The following KIAA0513 variants were observed in gnomAD, a reference collection of about 807,000 sequenced individuals.
KIAA0513 encodes uncharacterized protein KIAA0513.
Under a neutral mutation model 56.5 loss-of-function variants are expected in KIAA0513, and 39 were observed. The observed-to-expected ratio is 0.69, with a 90% confidence interval of 0.53 to 0.90. KIAA0513 has a LOEUF of 0.90. Ranked by LOEUF, KIAA0513 falls within the 40% of genes least tolerant of loss-of-function variation. KIAA0513 has a pLI of 0.00. For synonymous variants in KIAA0513, 268 were observed against 215.6 expected (o/e 1.24, Z -2.13); for missense variants, 591 against 535.2 (o/e 1.10, Z -1.03).
At position 85,076,286 on chromosome 16, in the gene KIAA0513, T is replaced by C. The variant is rs1002925006; in HGVS notation, c.574+372T>C. On this transcript the variant is annotated intron_variant, in intron 5 of 12. Transcript: ENST00000683363. The surrounding 1 kb of genome is among the most constrained non-coding windows in gnomAD (Gnocchi z 4.7). ...GTTTTACCAAAACAAGACGACACAG[T>C]TGGTTGTTGGAGGGTGGTGGGGAGG... Among the ~76,000 whole-genome samples the C allele has an allele frequency of 2.0e-5, 3 of 151,956 alleles. No homozygotes were observed. Among genetic ancestry groups the C allele is most frequent in the African/African-American group, 7.2e-5 (3 of 41,380 alleles).
intron 1 of KIAA0513, among the ~76,000 whole-genome samples, chr16:85,030,792 A>G (rs1249284747): frequency 6.6e-6 from 1 of 151,716 alleles, no homozygotes; most frequent in African/African-American, 2.4e-5. Flanking sequence ...CTCATGAGGG[A>G]AGGACAAGTT....
At chr16:85,083,646 G>A (rs1255724492) in intron 10 of KIAA0513, among the ~76,000 whole-genome samples, 2 of 152,164 alleles carry the variant, frequency 1.3e-5, no homozygotes, top group Non-Finnish European at 2.9e-5. Context: ...CTCAGCTGAG[G>A]GGACAGCTGG....
At position 85,089,074 on chromosome 16, in the gene KIAA0513, C is replaced by G. The variant is rs898842193; in HGVS notation, c.*749C>G. On this transcript the variant is annotated 3_prime_UTR_variant, in exon 13 of 13. Transcript: ENST00000683363. This position sits in a 1 kb window ranked among gnomAD's most constrained non-coding sequence, Gnocchi z 4.2. ...GGTGTCCGCGGCAGACCACACAGAC[C>G]GTCTGAAATGCGCCCGCCTGGCGGA... is the stretch of plus-strand genomic sequence containing the variant. 6.6e-6 allele frequency: 1 copy of G among 152,226 alleles called. No homozygotes were observed. Among genetic ancestry groups the G allele is most frequent in the African/African-American group, 2.4e-5 (1 of 41,442 alleles). The allele number at this position is 152,226 out of a possible 1,614,324, so 9.4% of individuals were successfully genotyped here.
intron 1 of KIAA0513, among the ~76,000 whole-genome samples, chr16:85,048,830 A>G (rs1465365385): frequency 6.6e-6 from 1 of 152,238 alleles, no homozygotes; most frequent in Non-Finnish European, 1.5e-5. Flanking sequence ...GAAGACCACA[A>G]ATGACCTGTA....
chr16:85,042,698 G>C (rs2073119948), intron 1 of KIAA0513, among the ~76,000 whole-genome samples: 1 of 152,220 alleles, frequency 6.6e-6, no homozygotes, highest in Admixed American at 6.5e-5. Flanking sequence ...TCAAAAAGTA[G>C]TAAATAATGG....
intron 8 of KIAA0513, 107 bp downstream of exon 8, chr16:85,079,110 C>G (rs753344350): frequency 5.1e-6 from 8 of 1,578,902 alleles, no homozygotes; most frequent in Middle Eastern, 1.8e-4. Context: ...TGGCAGAATT[C>G]TCACACTCAC....
chr16:85,082,925 G>A (rs1875302959), intron 10 of KIAA0513, among the ~76,000 whole-genome samples: 1 of 152,276 alleles, frequency 6.6e-6, no homozygotes, highest in African/African-American at 2.4e-5. Flanking sequence ...GCGGGCTCCA[G>A]TTCTGAGCCA....
intron 2 of KIAA0513, among the ~76,000 whole-genome samples, chr16:85,069,980 CAT>C (rs1196847573): frequency 6.7e-6 from 1 of 149,712 alleles, no homozygotes; most frequent in Non-Finnish European, 1.5e-5. Context: ...GCCTAGGAAA[CAT>C]AGTGAAACCC....
intron 2 of KIAA0513, 122 bp from the exon 3 acceptor site, chr16:85,071,661 T>G: frequency 2.7e-6 from 2 of 749,992 alleles, no homozygotes; most frequent in Non-Finnish European, 4.3e-6. Flanking sequence ...TGATGGGAGT[T>G]GGGGTCTGTG....
intron 1 of KIAA0513, among the ~76,000 whole-genome samples, chr16:85,036,222 A>G (rs1016812778): frequency 2.2e-4 from 34 of 152,118 alleles, no homozygotes; most frequent in African/African-American, 8.0e-4. Context: ...CAATTGTACA[A>G]TTCAGTGATT....
rs1321192708 is a variant in KIAA0513, at chr16:85,092,498, G to A, written c.*4173G>A. The A allele has an allele frequency of 1.3e-5, 2 of 152,182 alleles. No individual in the cohort carries two copies. The highest frequency in any genetic ancestry group is 2.9e-5 in the Non-Finnish European group (2 of 68,044). The allele number at this position is 152,182 out of a possible 1,614,324, so 9.4% of individuals were successfully genotyped here. A position where few individuals can be genotyped will look rare whatever the true frequency, so the allele number is the denominator to read the frequency against. On this transcript the variant is annotated 3_prime_UTR_variant, in exon 13 of 13. Transcript: ENST00000683363. ...GGGAGAGCCCCCTCTGGGCCCAGCA[G>A]GCAGGTGTTCTGAGGCTGGTCCCTC...
chr16:85,033,342 G>T (rs982810045), intron 1 of KIAA0513, among the ~76,000 whole-genome samples: 2 of 152,212 alleles, frequency 1.3e-5, no homozygotes, highest in African/African-American at 4.8e-5. Context: ...CTTCAGGTCA[G>T]GATGCAGGGT....
intron 1 of KIAA0513, among the ~76,000 whole-genome samples, chr16:85,033,441 A>G (rs1211399618): frequency 6.6e-6 from 1 of 152,226 alleles, no homozygotes; most frequent in Non-Finnish European, 1.5e-5. Context: ...GGAACAGCTC[A>G]TCGGCGTCCA....
At chr16:85,043,268 T>C (rs1245774751) in intron 1 of KIAA0513, among the ~76,000 whole-genome samples, 4 of 152,136 alleles carry the variant, frequency 2.6e-5, no homozygotes, top group Non-Finnish European at 5.9e-5. Flanking sequence ...AAACAAGTTC[T>C]CTTACCCAGG....
Position 85,094,213 on chromosome 16 carries a change from C to T in KIAA0513, c.*5888C>T, listed in dbSNP as rs1326539639. On this transcript the variant is annotated 3_prime_UTR_variant, in exon 13 of 13. Transcript: ENST00000683363. ...GTCAGAAGGTAGAAACTGAAATAAA[C>T]TAACTTTAAAAAAAAAAGTCTGTTT... The T allele has an allele frequency of 2.0e-5, 3 of 151,926 alleles. No individual in the cohort carries two copies. The highest frequency in any genetic ancestry group is 2.9e-5 in the Non-Finnish European group (2 of 67,988). 9.4% of individuals were successfully genotyped at this position (151,926 alleles called of 1,614,324 possible). A position where few individuals can be genotyped will look rare whatever the true frequency, so the allele number is the denominator to read the frequency against.
At chr16:85,032,531 C>T (rs2072978955) in intron 1 of KIAA0513, among the ~76,000 whole-genome samples, 1 of 152,094 alleles carries the variant, frequency 6.6e-6, no homozygotes, top group Admixed American at 6.6e-5. Context: ...TGGGGTTTCG[C>T]CATGTTGGCC....
intron 10 of KIAA0513, among the ~76,000 whole-genome samples, chr16:85,083,194 G>A (rs552315737): frequency 4.6e-5 from 7 of 152,338 alleles, no homozygotes; most frequent in East Asian, 3.9e-4. Flanking sequence ...GAGGAAATCC[G>A]AGAATGGGGC....
At chr16:85,029,775 C>T (rs1276384105) in intron 1 of KIAA0513, among the ~76,000 whole-genome samples, 1 of 152,188 alleles carries the variant, frequency 6.6e-6, no homozygotes, top group Non-Finnish European at 1.5e-5. Flanking sequence ...GGAGTAAAAA[C>T]CCTATTGCCC....
intron 4 of KIAA0513, among the ~76,000 whole-genome samples, chr16:85,075,371 CT>C (rs1343288861): frequency 1.3e-5 from 2 of 152,168 alleles, no homozygotes; most frequent in Non-Finnish European, 2.9e-5. Flanking sequence ...AGACCAAGAC[CT>C]GTTGAATCAG....
Sources: gnomAD v4.1 joint callset for allele counts (sites outside exome capture counted in the v4.1 genomes callset) on GRCh38, gnomAD v4.1.1 for gene constraint, Gnocchi (gnomAD v3.1) non-coding constraint, MANE v1.5 for transcripts, NCBI Gene and HGNC (gene_info 2026-07-23, HGNC 2026-07-21) for gene names.